SAMD4B: variants seen among roughly 807,000 people sequenced by gnomAD.
The protein encoded by SAMD4B is sterile alpha motif domain containing 4B.
In SAMD4B, 5 loss-of-function variants were observed where a neutral mutation model predicts 74.5. The observed-to-expected ratio is 0.07, with a 90% CI of 0.04 to 0.14. SAMD4B has a LOEUF of 0.14. Among genes scored for constraint, SAMD4B ranks in the 10% least tolerant of loss-of-function variants. The probability of loss-of-function intolerance (pLI) is 1.00; values close to 1 mark genes in which losing one functional copy is unlikely to be tolerated. For synonymous variants in SAMD4B, 373 were observed against 374.9 expected, an observed-to-expected ratio of 1.00 and a Z score of 0.06; for missense variants, 608 against 921.8, an observed-to-expected ratio of 0.66 and a Z score of 4.41.
In SAMD4B at chr19:39,368,462, C is replaced by T. The variant is rs183469420; in HGVS notation, c.197-1193C>T. Among the ~76,000 whole-genome samples, 581 of 152,168 alleles carry T rather than the reference C, an allele frequency of 3.8e-3. 3 individuals carry two copies. The highest frequency in any genetic ancestry group is 0.032 in the South Asian group (155 of 4,824). The stretch of plus-strand genomic sequence containing the variant: ...GGATAAATACATACTGTGGAGAGAA[C>T]CCCAAGGAAGATGGGGAGATATCCT... On this transcript the variant is annotated intron_variant, in intron 3 of 13. Coordinates refer to ENST00000610417, the MANE Select transcript of SAMD4B (RefSeq NM_001384574.2).
intron 3 of SAMD4B, among the ~76,000 whole-genome samples, chr19:39,358,520 G>A (rs1203490454): frequency 6.6e-6 from 1 of 151,444 alleles, no homozygotes; most frequent in Non-Finnish European, 1.5e-5. Flanking sequence ...AAAGTGCTGG[G>A]ATTACAGGCA....
intron 4 of SAMD4B, among the ~76,000 whole-genome samples, chr19:39,371,278 C>T (rs919875978): frequency 2.0e-5 from 3 of 152,296 alleles, no homozygotes; most frequent in East Asian, 1.9e-4. Flanking sequence ...CCTAATGCCC[C>T]GCTGTCTGGT....
chr19:39,380,882 T>G, intron 11 of SAMD4B, 97 bp downstream of exon 11: 1 of 1,514,980 alleles, frequency 6.6e-7, no homozygotes, highest in Non-Finnish European at 8.9e-7. Context: ...GGACCCAGCT[T>G]AGAGGTGGCG....
At chr19:39,388,386 G>A (rs572900855), downstream of SAMD4B, 58 of 1,614,098 alleles carry the variant, frequency 3.6e-5, 2 homozygotes, top group South Asian at 6.0e-4. Flanking sequence ...CTCGGAAGAT[G>A]AAGAAGTAGT....
At chr19:39,388,151 A>AT (rs1261982666), downstream of SAMD4B, among the ~76,000 whole-genome samples, 2 of 151,820 alleles carry the variant, frequency 1.3e-5, no homozygotes, top group Non-Finnish European at 2.9e-5. Context: ...AAAAAAAAAG[A>AT]TTTTTTTTCT....
In SAMD4B at chr19:39,375,659, G is replaced by T. The variant is rs2077558964; in HGVS notation, c.677G>T (p.Cys226Phe). ...CTCCCACTCTGGCCAGGTCTCCCCT[G>T]CCAAATCCACCCTAGCCCACTGAAG... ...IGSNANTGLPCQIHPSPLKRS... is the reference protein window; with the variant it reads ...IGSNANTGLPFQIHPSPLKRS... The change falls in exon 5 of 14, where the codon TGC becomes TTC. Residue 226 changes from cysteine to phenylalanine, a missense_variant. This residue lies in a region of SAMD4B where 153 missense variants were observed against 153.0 expected (regional missense o/e 1.00). Transcript: ENST00000610417. This position sits in a 1 kb window ranked among gnomAD's most constrained non-coding sequence, Gnocchi z 4.1. The T allele has an allele frequency of 1.2e-6, 2 of 1,601,496 alleles. No homozygotes were observed. The highest frequency in any genetic ancestry group is 1.7e-6 in the Non-Finnish European group (2 of 1,169,576).
At chr19:39,376,594 T>C (rs549631785) in intron 6 of SAMD4B, 48 bp downstream of exon 6, 13 of 1,588,676 alleles carry the variant, frequency 8.2e-6, no homozygotes, top group Middle Eastern at 3.3e-4. Context: ...AGCGCTAGTT[T>C]GGCATCCTTG....
At chr19:39,354,300 C>T (rs1019992430) in intron 2 of SAMD4B, among the ~76,000 whole-genome samples, 3 of 152,188 alleles carry the variant, frequency 2.0e-5, no homozygotes, top group African/African-American at 4.8e-5. Context: ...TGCGTGCTAC[C>T]TCTTCAGATA....
At chr19:39,386,346 G>A (rs369820864), downstream of SAMD4B, 27 of 1,613,984 alleles carry the variant, frequency 1.7e-5, no homozygotes, top group African/African-American at 4.0e-5. The surrounding 1 kb of genome is among the most constrained non-coding windows in gnomAD (Gnocchi z 6.1). Context: ...CTCGCTGCCC[G>A]AGTGCTCATC....
At chr19:39,365,935 T>C (rs1453738953) in intron 3 of SAMD4B, among the ~76,000 whole-genome samples, 1 of 152,188 alleles carries the variant, frequency 6.6e-6, no homozygotes, top group Non-Finnish European at 1.5e-5. Context: ...GCACAGTGGC[T>C]CATGCCTGTA....
At chr19:39,385,798 G>A, downstream of SAMD4B, 1 of 773,904 alleles carries the variant, frequency 1.3e-6, no homozygotes, top group Non-Finnish European at 2.0e-6. Flanking sequence ...GCACCTGGGG[G>A]TTGCGGGAGG....
chr19:39,373,260 T>G (rs182599330), intron 4 of SAMD4B, among the ~76,000 whole-genome samples: 3 of 152,322 alleles, frequency 2.0e-5, no homozygotes, highest in East Asian at 3.9e-4. Flanking sequence ...GTTTCATTTC[T>G]TTTTGTCTAG....
chr19:39,378,453 G>A lies in SAMD4B; in HGVS notation c.1445-51G>A, dbSNP rs757720158. The A allele has an allele frequency of 5.2e-6, 8 of 1,539,600 alleles. No individual in the cohort carries two copies. The East Asian group carries it at 1.8e-4, about 35-fold the overall frequency. ...CGAGCCAGCTGGAGGCTGGAACATG[G>A]CAGAGGGCATACTAGGGGTTAACCT... On this transcript the variant is annotated intron_variant, in intron 8 of 13. Coordinates refer to ENST00000610417, the MANE Select transcript of SAMD4B (RefSeq NM_001384574.2). This position sits in a 1 kb window ranked among gnomAD's most constrained non-coding sequence, Gnocchi z 4.4.
chr19:39,351,246 A>G (rs1180394311), intron 1 of SAMD4B: 1 of 152,358 alleles, frequency 6.6e-6, no homozygotes, highest in Non-Finnish European at 1.5e-5. Context: ...TGCCTCCCAG[A>G]GTGCTGGGAT....
At chr19:39,380,549 C>G (rs760578182) in intron 10 of SAMD4B, 38 bp from the exon 11 acceptor site, 37 of 1,606,806 alleles carry the variant, frequency 2.3e-5, no homozygotes, top group Non-Finnish European at 2.9e-5. Context: ...TAGGCCCCAT[C>G]TATGTAAATT....
intron 5 of SAMD4B, among the ~76,000 whole-genome samples, chr19:39,376,101 C>T (rs2077584891): frequency 2.0e-5 from 3 of 152,128 alleles, no homozygotes; most frequent in East Asian, 1.9e-4. Context: ...GAAGGAGCCC[C>T]CTGTCTTCAC....
chr19:39,342,905 C>G (rs945909664), intron 1 of SAMD4B, among the ~76,000 whole-genome samples: 57 of 150,730 alleles, frequency 3.8e-4, no homozygotes, highest in South Asian at 2.1e-4. Context: ...GAAAGCCTGC[C>G]GATCCCCCGT....
At position 39,380,987 on chromosome 19, in the gene SAMD4B, T is replaced by C; in HGVS notation, c.1849-3T>C. Reference sequence around the variant, plus strand: ...ACTTTCTCTCTTCCTGGGACCTGTGTAGAACCTGTGGTTTGCCAACCCTGG... The same window carrying C: ...ACTTTCTCTCTTCCTGGGACCTGTGCAGAACCTGTGGTTTGCCAACCCTGG... On this transcript the variant is annotated splice_polypyrimidine_tract_variant and splice_region_variant and intron_variant, in intron 11 of 13. Coordinates refer to ENST00000610417, the MANE Select transcript of SAMD4B (RefSeq NM_001384574.2). 2 of 1,606,306 alleles carry C rather than the reference T, an allele frequency of 1.2e-6. No individual in the cohort carries two copies. The highest frequency in any genetic ancestry group is 1.7e-6 in the Non-Finnish European group (2 of 1,176,554).
At position 39,380,705 on chromosome 19, in the gene SAMD4B, C is replaced by G; in HGVS notation, c.1768C>G (p.Leu590Val). Residue 590 changes from leucine (L) to valine (V), a missense_variant, in exon 11 of 14, where the codon CTC becomes GTC. This residue lies in a region of SAMD4B where 167 missense variants were observed against 193.0 expected (regional missense o/e 0.87). Transcript: ENST00000610417. ...PRALPPGRMG[L>V]LSPSGIGGVS... ...GGCCCTCCCACCCGGCCGGATGGGC[C>G]TCCTGAGCCCCTCGGGCATTGGGGG... 1 of 1,612,080 alleles carries G rather than the reference C, an allele frequency of 6.2e-7. No homozygotes were observed.
Sources: gnomAD v4.1 joint callset for allele counts (sites outside exome capture counted in the v4.1 genomes callset) on GRCh38, gnomAD v4.1.1 for gene constraint, gnomAD v4.1.1 regional missense constraint, Gnocchi (gnomAD v3.1) non-coding constraint, MANE v1.5 for transcripts, NCBI Gene and HGNC (gene_info 2026-07-23, HGNC 2026-07-21) for gene names.